The following CACNA2D3 variants were observed in gnomAD, a reference collection of about 807,000 sequenced individuals.
CACNA2D3 encodes calcium voltage-gated channel auxiliary subunit alpha2delta 3, also known as voltage-dependent calcium channel subunit alpha-2/delta-3.
In CACNA2D3, 60 loss-of-function variants were observed where a neutral mutation model predicts 160.6. That is an observed-to-expected ratio of 0.37 (90% CI 0.30 to 0.46). The LOEUF is 0.46. Among genes scored for constraint, CACNA2D3 ranks in the 20% least tolerant of loss-of-function variants. The probability of loss-of-function intolerance (pLI) is 1.00; values close to 1 mark genes in which losing one functional copy is unlikely to be tolerated. For synonymous variants in CACNA2D3, 558 were observed against 492.9 expected (o/e 1.13, Z -1.75); for missense variants, 1,205 against 1,365.0 (o/e 0.88, Z 1.85).
chr3:54,454,906 T>C (rs1700370965), intron 4 of CACNA2D3, among the ~76,000 whole-genome samples: 1 of 152,134 alleles, frequency 6.6e-6, no homozygotes, highest in African/African-American at 2.4e-5. Flanking sequence ...CTCATCCATG[T>C]TGCAGCAAGT....
intron 6 of CACNA2D3, among the ~76,000 whole-genome samples, chr3:54,568,588 A>G (rs985781055): frequency 6.6e-6 from 1 of 152,216 alleles, no homozygotes; most frequent in Non-Finnish European, 1.5e-5. Context: ...ATGCAAAGCA[A>G]TGTGTCAGAT....
intron 31 of CACNA2D3, among the ~76,000 whole-genome samples, chr3:54,995,090 C>T (rs1019114066): frequency 6.6e-6 from 1 of 152,134 alleles, no homozygotes; most frequent in South Asian, 2.1e-4. Context: ...TTTCCTGCCT[C>T]TACCTCCTGA....
At chr3:54,572,948 A>G (rs1702523972) in intron 8 of CACNA2D3, among the ~76,000 whole-genome samples, 1 of 152,226 alleles carries the variant, frequency 6.6e-6, no homozygotes, top group Admixed American at 6.5e-5. Flanking sequence ...AATCTATGTA[A>G]GTTCATTAAG....
intron 35 of CACNA2D3, among the ~76,000 whole-genome samples, chr3:55,040,867 A>G (rs781196627): frequency 1.2e-4 from 18 of 152,216 alleles, no homozygotes; most frequent in Non-Finnish European, 2.4e-4. Flanking sequence ...TTAGAGCAGC[A>G]TCGCTTCCAT....
chr3:54,810,564 C>T (rs375433649), intron 13 of CACNA2D3, among the ~76,000 whole-genome samples: 2 of 152,208 alleles, frequency 1.3e-5, no homozygotes, highest in African/African-American at 4.8e-5. Flanking sequence ...ATCATTCATT[C>T]ATGAGGCCCG....
rs78063392 is a variant in CACNA2D3 at position 55,066,506 on chromosome 3, C to T, written c.2988-6939C>T. On this transcript the variant is annotated intron_variant, in intron 35 of 37. Coordinates refer to ENST00000474759, the MANE Select transcript of CACNA2D3 (RefSeq NM_018398.3). ...CTTATCCCTGCGTTCCTCCCCATCCCGCGTGCTTGTTTGGAGGGAGTATGA... is the reference window on the plus strand; with the variant it reads ...CTTATCCCTGCGTTCCTCCCCATCCTGCGTGCTTGTTTGGAGGGAGTATGA... Among the ~76,000 whole-genome samples the T allele has an allele frequency of 8.7e-3, 1,319 of 152,214 alleles. 24 individuals carry two copies. The highest frequency in any genetic ancestry group is 0.03 in the African/African-American group (1,246 of 41,522).
At position 54,707,784 on chromosome 3, in the gene CACNA2D3, A is replaced by G. The variant is rs75320941; in HGVS notation, c.1168-44815A>G. Among the ~76,000 whole-genome samples, 82 of 152,294 alleles carry G rather than the reference A, an allele frequency of 5.4e-4. 2 individuals carry two copies. The East Asian group carries it at 0.014, about 25-fold the overall frequency. On this transcript the variant is annotated intron_variant, in intron 11 of 37. Coordinates refer to ENST00000474759, the MANE Select transcript of CACNA2D3 (RefSeq NM_018398.3). The stretch of plus-strand genomic sequence containing the variant: ...TGAAGGAGAGGGAGATTCTGGGGAA[A>G]TGACGGCCTGAGTTTTTATTTGCTT...
intron 34 of CACNA2D3, 133 bp downstream of exon 34, chr3:55,009,576 C>A: frequency 2.5e-6 from 2 of 803,798 alleles, no homozygotes; most frequent in South Asian, 1.6e-5. Flanking sequence ...GCTCTGTCAG[C>A]AAAAAGCCAG....
At position 54,965,378 on chromosome 3, in the gene CACNA2D3, C is replaced by A. The variant is rs564602230; in HGVS notation, c.2450-3072C>A. The stretch of plus-strand genomic sequence containing the variant: ...CTTTAAAAAGGTTCTCTCCCTTCCC[C>A]TCCCTTACTGTTTCCTCCATTTGGA... On this transcript the variant is annotated intron_variant, in intron 27 of 37. Transcript: ENST00000474759. Among the ~76,000 whole-genome samples the A allele has an allele frequency of 7.7e-4, 117 of 152,308 alleles. 1 individual carries two copies. Among genetic ancestry groups the A allele is most frequent in the African/African-American group, 2.6e-3 (108 of 41,568 alleles).
At chr3:54,488,070 T>G (rs1701045001) in intron 4 of CACNA2D3, among the ~76,000 whole-genome samples, 1 of 152,172 alleles carries the variant, frequency 6.6e-6, no homozygotes, top group Non-Finnish European at 1.5e-5. Context: ...CGAGGCAGGA[T>G]GAACAGTAAA....
chr3:54,484,012 T>A (rs1700975010), intron 4 of CACNA2D3, among the ~76,000 whole-genome samples: 1 of 152,178 alleles, frequency 6.6e-6, no homozygotes, highest in Non-Finnish European at 1.5e-5. Context: ...TTCTGTCACC[T>A]CCTAGCTGTA....
At chr3:54,421,384 T>C (rs1699834213) in intron 4 of CACNA2D3, among the ~76,000 whole-genome samples, 1 of 152,216 alleles carries the variant, frequency 6.6e-6, no homozygotes, top group Non-Finnish European at 1.5e-5. Flanking sequence ...AGGTGCCTGA[T>C]AGAGTGAATC....
intron 11 of CACNA2D3, among the ~76,000 whole-genome samples, chr3:54,725,077 G>A (rs1701251470): frequency 6.6e-6 from 1 of 151,996 alleles, no homozygotes; most frequent in Non-Finnish European, 1.5e-5. Flanking sequence ...ATGATATAGG[G>A]GATATCACCA....
intron 27 of CACNA2D3, among the ~76,000 whole-genome samples, chr3:54,901,880 C>A (rs1559623261): frequency 6.6e-6 from 1 of 152,158 alleles, no homozygotes; most frequent in Non-Finnish European, 1.5e-5. Context: ...TTCAGCACCC[C>A]CTCCCCAAGT....
intron 11 of CACNA2D3, among the ~76,000 whole-genome samples, chr3:54,735,623 C>A (rs1701481240): frequency 6.6e-6 from 1 of 152,010 alleles, no homozygotes; most frequent in South Asian, 2.1e-4. Context: ...AATAGCACAT[C>A]ACCTCTATAA....
At chr3:54,665,866 A>G (rs587384) in intron 11 of CACNA2D3, among the ~76,000 whole-genome samples, 63,489 of 151,052 alleles carry the variant, frequency 0.42, 14,852 homozygotes, top group Non-Finnish European at 0.51. Context: ...GCACTGCACA[A>G]TCATGGCTCA....
At chr3:54,263,602 A>G (rs938129279) in intron 2 of CACNA2D3, among the ~76,000 whole-genome samples, 2 of 152,178 alleles carry the variant, frequency 1.3e-5, no homozygotes, top group African/African-American at 4.8e-5. Context: ...GTTAAATTCA[A>G]TCTATGAAGC....
At position 54,484,581 on chromosome 3, in the gene CACNA2D3, C is replaced by T. The variant is rs145385978; in HGVS notation, c.382-18911C>T. Among the ~76,000 whole-genome samples, 769 of 152,162 alleles carry T rather than the reference C, an allele frequency of 5.1e-3. 7 individuals carry two copies. The highest frequency in any genetic ancestry group is 0.016 in the African/African-American group (666 of 41,488). ...TGTGAGAAACGTGAGAGTAAATCAC[C>T]GGGGCAACTGGACCACTGCGATATT... is the stretch of plus-strand genomic sequence containing the variant. On this transcript the variant is annotated intron_variant, in intron 4 of 37. Coordinates refer to ENST00000474759, the MANE Select transcript of CACNA2D3 (RefSeq NM_018398.3).
rs1559563500 is a variant in CACNA2D3 at position 54,736,026 on chromosome 3, TATATATATGTATATATATACACATAC to T, written c.1168-16568_1168-16543del. 7.2e-3 allele frequency among the ~76,000 whole-genome samples: 352 copies of T among 48,860 alleles called. 32 individuals are homozygous for T. Among genetic ancestry groups the T allele is most frequent in the Non-Finnish European group, 9.5e-3 (226 of 23,754 alleles). The allele number at this position is 48,860 out of a possible 152,430, so 32.1% of individuals were successfully genotyped here. A position where few individuals can be genotyped will look rare whatever the true frequency, so the allele number is the denominator to read the frequency against. On this transcript the variant is annotated intron_variant, in intron 11 of 37. Transcript: ENST00000474759. Reference sequence around the variant, plus strand: ...ATATATGTATATATATACACATACATATATATATGTATATATATACACATACATATGTATGTATATATATATACATA... The same window carrying T: ...ATATATGTATATATATACACATACATATATGTATGTATATATATATACATA...
Sources: gnomAD v4.1 joint callset for allele counts (sites outside exome capture counted in the v4.1 genomes callset) on GRCh38, gnomAD v4.1.1 for gene constraint, MANE v1.5 for transcripts, NCBI Gene and HGNC (gene_info 2026-07-23, HGNC 2026-07-21) for gene names.